The following FGGY variants were observed in gnomAD, a reference collection of about 807,000 sequenced individuals.
FGGY encodes FGGY carbohydrate kinase domain-containing protein.
FGGY carries 72 observed loss-of-function variants against 71.3 expected under a neutral mutation model. That is an observed-to-expected ratio of 1.01 (90% confidence interval 0.84 to 1.23). The LOEUF (loss-of-function observed/expected upper bound fraction) is 1.23, where lower values mean the gene tolerates loss of function less well. Ranked by LOEUF, FGGY falls within the 50% of genes most tolerant of loss-of-function variation. FGGY has a pLI of 0.00. For synonymous variants in FGGY, 251 were observed against 250.3 expected (o/e 1.00, Z -0.02); for missense variants, 668 against 682.3 (o/e 0.98, Z 0.23).
chr1:59,504,340 G>T (rs1056505002), intron 6 of FGGY, among the ~76,000 whole-genome samples: 1 of 151,996 alleles, frequency 6.6e-6, no homozygotes, highest in Non-Finnish European at 1.5e-5. Flanking sequence ...AGACAGGGTT[G>T]TGAGAACCCC....
intron 10 of FGGY, among the ~76,000 whole-genome samples, chr1:59,631,456 G>A (rs1176838465): frequency 3.3e-5 from 5 of 152,128 alleles, no homozygotes; most frequent in African/African-American, 9.7e-5. Flanking sequence ...TGTCTTATTA[G>A]ATCTATGAGT....
At chr1:59,586,532 A>G (rs1207792603) in intron 8 of FGGY, among the ~76,000 whole-genome samples, 3 of 152,294 alleles carry the variant, frequency 2.0e-5, no homozygotes, top group African/African-American at 7.2e-5. Flanking sequence ...GGGGAGGGAT[A>G]GCATTAGGAG....
intron 6 of FGGY, among the ~76,000 whole-genome samples, chr1:59,484,561 C>T (rs2093602577): frequency 6.6e-6 from 1 of 152,108 alleles, no homozygotes; most frequent in Admixed American, 6.5e-5. Flanking sequence ...TTATGAGCCT[C>T]ATTATATATC....
intron 13 of FGGY, among the ~76,000 whole-genome samples, chr1:59,668,620 A>G (rs2097346714): frequency 6.6e-6 from 1 of 152,184 alleles, no homozygotes; most frequent in South Asian, 2.1e-4. Flanking sequence ...ATGAGATGAA[A>G]CTAAGTAAGT....
intron 4 of FGGY, among the ~76,000 whole-genome samples, chr1:59,365,722 C>T (rs1168785715): frequency 1.3e-5 from 2 of 152,166 alleles, no homozygotes; most frequent in Non-Finnish European, 2.9e-5. Context: ...TGACTCCTTG[C>T]CTTGCCTGCC....
chr1:59,371,792 C>T (rs1383453512), intron 4 of FGGY, among the ~76,000 whole-genome samples: 6 of 152,128 alleles, frequency 3.9e-5, no homozygotes, highest in African/African-American at 1.2e-4. Flanking sequence ...ACTGAACAAC[C>T]TGCTCCTGAA....
intron 1 of FGGY, among the ~76,000 whole-genome samples, chr1:59,303,694 T>C (rs2043082965): frequency 6.6e-6 from 1 of 152,178 alleles, no homozygotes; most frequent in Non-Finnish European, 1.5e-5. Flanking sequence ...GCCATAATGC[T>C]GTACCAATTT....
chr1:59,653,290 G>A (rs2097184053), intron 11 of FGGY, among the ~76,000 whole-genome samples: 1 of 152,258 alleles, frequency 6.6e-6, no homozygotes, highest in Non-Finnish European at 1.5e-5. Context: ...CCCAGTTCGA[G>A]CTTTTGGGCT....
intron 6 of FGGY, among the ~76,000 whole-genome samples, chr1:59,497,143 T>C (rs749241486): frequency 2.0e-5 from 3 of 152,130 alleles, no homozygotes; most frequent in Non-Finnish European, 4.4e-5. Flanking sequence ...GGGTATTTCA[T>C]AGAGAAAGAA....
At chr1:59,492,352 G>T (rs1294031748) in intron 6 of FGGY, among the ~76,000 whole-genome samples, 1 of 152,134 alleles carries the variant, frequency 6.6e-6, no homozygotes, top group African/African-American at 2.4e-5. Context: ...AAAGATGACT[G>T]GGAACTCTAT....
chr1:59,502,056 G>A (rs560790373), intron 6 of FGGY, among the ~76,000 whole-genome samples: 1 of 152,234 alleles, frequency 6.6e-6, no homozygotes, highest in South Asian at 2.1e-4. Context: ...TAACCACTCT[G>A]GGAGAAAAAT....
intron 7 of FGGY, among the ~76,000 whole-genome samples, chr1:59,532,443 A>G (rs923086842): frequency 6.6e-6 from 1 of 152,178 alleles, no homozygotes; most frequent in Non-Finnish European, 1.5e-5. Context: ...CATACATAGA[A>G]GCTATATTTG....
At position 59,364,106 on chromosome 1, in the gene FGGY, T is replaced by C. The variant is rs1053801052; in HGVS notation, c.466-14643T>C. On this transcript the variant is annotated intron_variant, in intron 4 of 15. Transcript: ENST00000303721. ...TTGGGAAGAAAGAAGAAGGGACATC[T>C]GTGTGAGCCAGCTTGGAACAGATGC... Among the ~76,000 whole-genome samples the C allele has an allele frequency of 2.0e-5, 3 of 152,192 alleles. No homozygotes were observed. The East Asian group carries it at 5.8e-4, about 29-fold the overall frequency.
chr1:59,414,438 C>G (rs1329036788), intron 5 of FGGY, among the ~76,000 whole-genome samples: 2 of 152,152 alleles, frequency 1.3e-5, no homozygotes, highest in East Asian at 1.9e-4. Context: ...GATAGCTGCT[C>G]TTTATCTTCT....
At chr1:59,319,106 G>A (rs977291296) in intron 1 of FGGY, among the ~76,000 whole-genome samples, 5 of 152,172 alleles carry the variant, frequency 3.3e-5, no homozygotes, top group Admixed American at 3.3e-4. Flanking sequence ...CTGATTGCAA[G>A]ATGCACCATT....
chr1:59,595,966 C>T (rs1431910607), intron 8 of FGGY, among the ~76,000 whole-genome samples: 1 of 152,118 alleles, frequency 6.6e-6, no homozygotes, highest in Non-Finnish European at 1.5e-5. Flanking sequence ...CAGCTGAATA[C>T]TGTTACTCTG....
chr1:59,524,392 C>T (rs150730911), intron 7 of FGGY, among the ~76,000 whole-genome samples: 29 of 151,506 alleles, frequency 1.9e-4, no homozygotes, highest in African/African-American at 7.0e-4. Flanking sequence ...GGGTCCCTGG[C>T]GAAACCCCAC....
intron 5 of FGGY, among the ~76,000 whole-genome samples, chr1:59,417,542 A>G (rs932527439): frequency 6.6e-6 from 1 of 152,204 alleles, no homozygotes; most frequent in Non-Finnish European, 1.5e-5. Flanking sequence ...CAAAGTGGCT[A>G]CACATTTTGT....
In FGGY at chr1:59,614,333, A is replaced by G. The variant is rs9659974; in HGVS notation, c.1011+6423A>G. ...GTGGGCTTCATCCCTGGGATGCAAG[A>G]CTGGTTCAACATATGCAAATCAATA... On this transcript the variant is annotated intron_variant, in intron 9 of 15. Transcript: ENST00000303721. Among the ~76,000 whole-genome samples the G allele has an allele frequency of 8.5e-3, 1,301 of 152,260 alleles. 24 individuals are homozygous for G. The highest frequency in any genetic ancestry group is 0.03 in the African/African-American group (1,240 of 41,530).
Sources: gnomAD v4.1 joint callset for allele counts (sites outside exome capture counted in the v4.1 genomes callset) on GRCh38, gnomAD v4.1.1 for gene constraint, MANE v1.5 for transcripts, NCBI Gene and HGNC (gene_info 2026-07-23, HGNC 2026-07-21) for gene names.